Variants in DPYD observed in about 807,000 individuals in gnomAD.
The protein encoded by DPYD is dihydropyrimidine dehydrogenase [NADP(+)].
A neutral mutation model predicts 116.2 loss-of-function variants in DPYD; 109 were observed. That is an observed-to-expected ratio of 0.94 (90% confidence interval 0.80 to 1.10). The LOEUF (loss-of-function observed/expected upper bound fraction) is 1.10. Among genes scored for constraint, DPYD ranks in the 50% least tolerant of loss-of-function variants. DPYD has a pLI of 0.00. For missense variants in DPYD, 1,302 were observed against 1,254.5 expected (o/e 1.04, Z -0.57); for synonymous variants, 440 against 432.0 (o/e 1.02, Z -0.23).
intron 14 of DPYD, among the ~76,000 whole-genome samples, chr1:97,419,062 T>C (rs1182661704): frequency 1.3e-5 from 2 of 152,168 alleles, no homozygotes; most frequent in African/African-American, 2.4e-5. Flanking sequence ...TGAGATCATT[T>C]GACTTTTTCT....
intron 20 of DPYD, among the ~76,000 whole-genome samples, chr1:97,132,614 C>T (rs1266748903): frequency 6.6e-6 from 1 of 152,074 alleles, no homozygotes; most frequent in Non-Finnish European, 1.5e-5. Context: ...TTCTATCATT[C>T]TTATAGGTCC....
chr1:97,338,244 C>G (rs1294780501), intron 16 of DPYD, among the ~76,000 whole-genome samples: 7 of 152,100 alleles, frequency 4.6e-5, no homozygotes, highest in East Asian at 3.9e-4. Context: ...ACGGTAAAAC[C>G]TTTACACTTG....
chr1:97,584,698 G>T (rs1334105956), intron 10 of DPYD, among the ~76,000 whole-genome samples: 3 of 147,242 alleles, frequency 2.0e-5, no homozygotes, highest in Middle Eastern at 3.5e-3. Context: ...CTACCGCAAC[G>T]ACAAAAAGCC....
At chr1:97,705,599 T>A (rs1450300696) in intron 5 of DPYD, among the ~76,000 whole-genome samples, 21 of 150,654 alleles carry the variant, frequency 1.4e-4, no homozygotes, top group African/African-American at 4.7e-4. Context: ...AACATACGTG[T>A]GCATGTGTCT....
At chr1:97,109,223 TG>T (rs909016704) in intron 20 of DPYD, among the ~76,000 whole-genome samples, 8 of 152,146 alleles carry the variant, frequency 5.3e-5, no homozygotes, top group Non-Finnish European at 1.0e-4. Flanking sequence ...TATTACATTG[TG>T]CATAAATCTC....
At chr1:97,649,485 A>C (rs1658459729) in intron 8 of DPYD, among the ~76,000 whole-genome samples, 1 of 152,116 alleles carries the variant, frequency 6.6e-6, no homozygotes, top group African/African-American at 2.4e-5. Flanking sequence ...GTTACTTAAA[A>C]TATGTTTCTT....
At chr1:97,872,776 T>C in intron 2 of DPYD, among the ~76,000 whole-genome samples, 1 of 151,914 alleles carries the variant, frequency 6.6e-6, no homozygotes, top group East Asian at 1.9e-4. Flanking sequence ...AAAATATTTA[T>C]CATCATCATC....
chr1:97,658,567 C>A (rs185210044), intron 8 of DPYD, among the ~76,000 whole-genome samples: 78 of 152,080 alleles, frequency 5.1e-4, no homozygotes, highest in African/African-American at 1.9e-3. Flanking sequence ...GGAAAAAAGA[C>A]CTAAGAATTT....
At chr1:97,486,983 T>A (rs980935327) in intron 13 of DPYD, among the ~76,000 whole-genome samples, 2 of 152,004 alleles carry the variant, frequency 1.3e-5, no homozygotes, top group Non-Finnish European at 2.9e-5. Context: ...ATGCAAATAT[T>A]AAAAATAAGA....
intron 16 of DPYD, among the ~76,000 whole-genome samples, chr1:97,370,155 G>A (rs1671244170): frequency 6.6e-6 from 1 of 152,014 alleles, no homozygotes; most frequent in African/African-American, 2.4e-5. Context: ...GGATTGCTGG[G>A]TCAAATGGTA....
chr1:97,379,601 C>T lies in DPYD; in HGVS notation c.1974+2792G>A, dbSNP rs144855174. Reference sequence around the variant, plus strand: ...TCCACTGAGCCTGTCAAAGTGAGAGCTCCAGGAGCACCAGTGCCCAGGCCC... The same window carrying T: ...TCCACTGAGCCTGTCAAAGTGAGAGTTCCAGGAGCACCAGTGCCCAGGCCC... On this transcript the variant is annotated intron_variant, in intron 15 of 22. Transcript: ENST00000370192. Among the ~76,000 whole-genome samples, 409 of 152,298 alleles carry T rather than the reference C, an allele frequency of 2.7e-3. 2 individuals carry two copies. The highest frequency in any genetic ancestry group is 9.5e-3 in the African/African-American group (395 of 41,572).
chr1:97,754,358 A>G (rs1665106632), intron 3 of DPYD, among the ~76,000 whole-genome samples: 1 of 152,156 alleles, frequency 6.6e-6, no homozygotes, highest in Non-Finnish European at 1.5e-5. Flanking sequence ...TTTAAACTAG[A>G]AAAACAGGAA....
chr1:97,220,994 C>G (rs1660736500), intron 19 of DPYD, among the ~76,000 whole-genome samples: 1 of 152,082 alleles, frequency 6.6e-6, no homozygotes, highest in Non-Finnish European at 1.5e-5. Flanking sequence ...GCCCAGGAGC[C>G]CCAGAGTAGC....
At chr1:97,171,427 A>C (rs758085918) in intron 20 of DPYD, among the ~76,000 whole-genome samples, 1 of 152,186 alleles carries the variant, frequency 6.6e-6, no homozygotes, top group Non-Finnish European at 1.5e-5. Context: ...CTGCCAACTC[A>C]GAATCAAATC....
intron 13 of DPYD, among the ~76,000 whole-genome samples, chr1:97,502,126 T>G (rs1472110829): frequency 6.6e-6 from 1 of 152,064 alleles, no homozygotes; most frequent in Non-Finnish European, 1.5e-5. Flanking sequence ...TATTGAATGA[T>G]TTAAAAGTCA....
At chr1:97,736,773 G>A (rs1280457005) in intron 4 of DPYD, among the ~76,000 whole-genome samples, 2 of 151,786 alleles carry the variant, frequency 1.3e-5, no homozygotes, top group African/African-American at 4.8e-5. Flanking sequence ...ACTCAACTCA[G>A]CAACTCTGCA....
intron 12 of DPYD, among the ~76,000 whole-genome samples, chr1:97,529,696 CCTTT>C (rs1175519427): frequency 6.0e-5 from 9 of 149,642 alleles, no homozygotes; most frequent in East Asian, 1.9e-4. Context: ...TTCTTTCTTT[CCTTT>C]CTTTTTTCTT....
intron 1 of DPYD, among the ~76,000 whole-genome samples, chr1:97,887,424 C>T (rs560304501): frequency 2.9e-5 from 4 of 135,856 alleles, no homozygotes; most frequent in Non-Finnish European, 4.6e-5. Context: ...GAGCTGTGAC[C>T]ATGCCACTTT....
At chr1:97,563,841 A>G (rs1355434661) in intron 11 of DPYD, among the ~76,000 whole-genome samples, 1 of 152,172 alleles carries the variant, frequency 6.6e-6, no homozygotes, top group East Asian at 1.9e-4. Context: ...AAATAATTCC[A>G]AAGAAAACCT....
Sources: gnomAD v4.1 joint callset for allele counts (sites outside exome capture counted in the v4.1 genomes callset) on GRCh38, gnomAD v4.1.1 for gene constraint, MANE v1.5 for transcripts, NCBI Gene and HGNC (gene_info 2026-07-23, HGNC 2026-07-21) for gene names.